Variants in SGCZ observed in about 807,000 individuals in gnomAD.
SGCZ encodes sarcoglycan zeta, also known as zeta-sarcoglycan.
A neutral mutation model predicts 41.3 loss-of-function variants in SGCZ; 40 were observed. The ratio of observed to expected loss-of-function variants is 0.97; its 90% CI spans 0.75 to 1.26. The LOEUF (loss-of-function observed/expected upper bound fraction) is 1.26. SGCZ is among the 50% of genes most tolerant of loss of function. The pLI is 0.00. For missense variants in SGCZ, 552 were observed against 369.8 expected (o/e 1.49, Z -4.04); for synonymous variants, 206 against 137.5 (o/e 1.50, Z -3.49).
chr8:14,802,562 T>A (rs1416565739), intron 1 of SGCZ, among the ~76,000 whole-genome samples: 1 of 152,152 alleles, frequency 6.6e-6, no homozygotes, highest in Non-Finnish European at 1.5e-5. Flanking sequence ...GCCGCCTTTT[T>A]TATGAATAAG....
chr8:15,031,881 A>G (rs181719261), intron 1 of SGCZ, among the ~76,000 whole-genome samples: 10 of 140,458 alleles, frequency 7.1e-5, no homozygotes, highest in South Asian at 2.3e-4. Flanking sequence ...TATACTCTCT[A>G]TATTCTATAC....
chr8:14,935,548 C>T (rs535088173), intron 1 of SGCZ, among the ~76,000 whole-genome samples: 1 of 151,848 alleles, frequency 6.6e-6, no homozygotes, highest in South Asian at 2.1e-4. Flanking sequence ...ATAAAGTACT[C>T]TTAAGATCAT....
At chr8:14,797,378 G>A (rs569768741) in intron 1 of SGCZ, among the ~76,000 whole-genome samples, 12 of 152,128 alleles carry the variant, frequency 7.9e-5, no homozygotes, top group Non-Finnish European at 1.2e-4. Flanking sequence ...GGTAAATGGA[G>A]CAAAGAGGAC....
chr8:14,330,072 T>C (rs1802259394), intron 2 of SGCZ, among the ~76,000 whole-genome samples: 1 of 152,194 alleles, frequency 6.6e-6, no homozygotes, highest in East Asian at 1.9e-4. Flanking sequence ...ATTAATATCC[T>C]AGTCAGAAAT....
At chr8:14,662,318 G>A (rs2117486160) in intron 1 of SGCZ, among the ~76,000 whole-genome samples, 1 of 152,256 alleles carries the variant, frequency 6.6e-6, no homozygotes, top group East Asian at 1.9e-4. Flanking sequence ...CTGTTTCTGT[G>A]ATTTCAAGAA....
At chr8:15,142,029 G>A (rs539539039) in intron 1 of SGCZ, among the ~76,000 whole-genome samples, 9 of 152,280 alleles carry the variant, frequency 5.9e-5, no homozygotes, top group South Asian at 2.1e-4. Context: ...TGGAAAGACC[G>A]AGTAGGAAAA....
intron 2 of SGCZ, among the ~76,000 whole-genome samples, chr8:14,351,976 T>C (rs1258259684): frequency 1.3e-5 from 2 of 152,110 alleles, no homozygotes; most frequent in Non-Finnish European, 1.5e-5. Context: ...TCAACCTCGA[T>C]GTCCTTTTAC....
At chr8:15,036,019 A>C (rs773994082) in intron 1 of SGCZ, among the ~76,000 whole-genome samples, 5 of 152,036 alleles carry the variant, frequency 3.3e-5, no homozygotes, top group Admixed American at 6.5e-5. Context: ...AATACAATAG[A>C]AACTAGAAAA....
intron 5 of SGCZ, among the ~76,000 whole-genome samples, chr8:14,156,347 G>T (rs1803875560): frequency 1.3e-5 from 2 of 151,906 alleles, no homozygotes; most frequent in African/African-American, 4.8e-5. Flanking sequence ...TGTAGTCCCA[G>T]CTACTCAGGA....
chr8:14,594,665 A>T, intron 1 of SGCZ, among the ~76,000 whole-genome samples: 1 of 151,874 alleles, frequency 6.6e-6, no homozygotes, highest in Non-Finnish European at 1.5e-5. Flanking sequence ...GGCACTCTAA[A>T]AGGGCATGGG....
chr8:14,189,500 C>T (rs1459246352), intron 4 of SGCZ, among the ~76,000 whole-genome samples: 1 of 152,166 alleles, frequency 6.6e-6, no homozygotes, highest in Non-Finnish European at 1.5e-5. Flanking sequence ...GACTTTGCTA[C>T]ACACACAGGC....
chr8:14,296,913 T>A (rs1202574360), intron 3 of SGCZ, among the ~76,000 whole-genome samples: 5 of 152,136 alleles, frequency 3.3e-5, no homozygotes, highest in Non-Finnish European at 7.4e-5. Context: ...AAAATATTTT[T>A]AACTGAATAA....
At chr8:14,601,913 G>A (rs1343817881) in intron 1 of SGCZ, among the ~76,000 whole-genome samples, 3 of 152,230 alleles carry the variant, frequency 2.0e-5, no homozygotes, top group Non-Finnish European at 4.4e-5. Flanking sequence ...GAGGTCAGGA[G>A]ATCGAGACCA....
intron 1 of SGCZ, among the ~76,000 whole-genome samples, chr8:14,787,711 T>A (rs978585020): frequency 6.6e-6 from 1 of 151,980 alleles, no homozygotes; most frequent in African/African-American, 2.4e-5. Context: ...CCAGGAATGG[T>A]GGCACACGCC....
At chr8:14,625,804 G>A (rs921937320) in intron 1 of SGCZ, among the ~76,000 whole-genome samples, 7 of 152,232 alleles carry the variant, frequency 4.6e-5, no homozygotes, top group African/African-American at 1.7e-4. Flanking sequence ...CCCCATTAGT[G>A]ACACAGATAT....
intron 2 of SGCZ, among the ~76,000 whole-genome samples, chr8:14,371,074 G>T (rs945935809): frequency 6.6e-6 from 1 of 151,770 alleles, no homozygotes. Context: ...TATTTTTATT[G>T]TTCTTTTGTT....
intron 1 of SGCZ, among the ~76,000 whole-genome samples, chr8:15,208,776 C>T (rs1334505834): frequency 6.6e-6 from 1 of 151,906 alleles, no homozygotes; most frequent in Non-Finnish European, 1.5e-5. Flanking sequence ...GGCTCACAAA[C>T]TGCAAGATGC....
chr8:14,427,548 G>C (rs560562233), intron 2 of SGCZ, among the ~76,000 whole-genome samples: 1 of 151,962 alleles, frequency 6.6e-6, no homozygotes, highest in Non-Finnish European at 1.5e-5. Flanking sequence ...GTCTCCCCAG[G>C]AGATTAGAAT....
chr8:14,960,543 T>C (rs1298820492), intron 1 of SGCZ, among the ~76,000 whole-genome samples: 2 of 152,140 alleles, frequency 1.3e-5, no homozygotes, highest in East Asian at 3.9e-4. Flanking sequence ...TTCATTTTCT[T>C]AATCTTGATC....
Sources: gnomAD v4.1 joint callset for allele counts (sites outside exome capture counted in the v4.1 genomes callset) on GRCh38, gnomAD v4.1.1 for gene constraint, MANE v1.5 for transcripts, NCBI Gene and HGNC (gene_info 2026-07-23, HGNC 2026-07-21) for gene names.